Variants in PDS5B observed in about 807,000 individuals in gnomAD.
PDS5B encodes sister chromatid cohesion protein PDS5 homolog B.
PDS5B carries 51 observed loss-of-function variants against 184.1 expected under a neutral mutation model. The observed-to-expected ratio is 0.28, with a 90% CI of 0.22 to 0.35. The LOEUF (loss-of-function observed/expected upper bound fraction) is 0.35, where lower values mean the gene tolerates loss of function less well. Ranked by LOEUF, PDS5B falls within the 10% of genes least tolerant of loss-of-function variation. PDS5B has a pLI of 1.00. For synonymous variants in PDS5B, 566 were observed against 569.2 expected (o/e 0.99, Z 0.08); for missense variants, 1,180 against 1,723.3 (o/e 0.68, Z 5.58).
intron 19 of PDS5B, among the ~76,000 whole-genome samples, chr13:32,723,741 A>C (rs150309796): frequency 3.9e-5 from 6 of 152,342 alleles, no homozygotes; most frequent in African/African-American, 1.2e-4. Flanking sequence ...GATTTATGAG[A>C]AGATAGGTCT....
Position 32,665,791 on chromosome 13 carries a change from T to C in PDS5B, c.625-1973T>C, listed in dbSNP as rs576451978. Among the ~76,000 whole-genome samples the C allele has an allele frequency of 9.2e-5, 14 of 152,088 alleles. 1 individual carries two copies. In the Middle Eastern group the frequency reaches 0.014, roughly 148 times the overall value. On this transcript the variant is annotated intron_variant, in intron 6 of 34. Coordinates refer to ENST00000315596, the MANE Select transcript of PDS5B (RefSeq NM_015032.4). ...ATCAATGGATGAGTGTATAAAGAAA[T>C]TGTGGTATATGTATACAATGGAATA... is the stretch of plus-strand genomic sequence containing the variant.
intron 20 of PDS5B, among the ~76,000 whole-genome samples, chr13:32,732,539 GATT>G (rs1953161441): frequency 1.3e-5 from 2 of 152,030 alleles, no homozygotes; most frequent in African/African-American, 4.8e-5. Flanking sequence ...GGTAACAGAT[GATT>G]ATTCTTTCAT....
intron 30 of PDS5B, among the ~76,000 whole-genome samples, chr13:32,761,329 T>C (rs1954387910): frequency 1.3e-5 from 2 of 152,186 alleles, no homozygotes; most frequent in Admixed American, 1.3e-4. Flanking sequence ...TTTAAAAGTG[T>C]GTTTTTGCTT....
chr13:32,696,074 G>A (rs1951693946), intron 14 of PDS5B, among the ~76,000 whole-genome samples: 1 of 152,056 alleles, frequency 6.6e-6, no homozygotes, highest in African/African-American at 2.4e-5. Context: ...ATTCCAAATA[G>A]TTGGGAATTA....
chr13:32,749,114 C>G (rs141697090), intron 24 of PDS5B, among the ~76,000 whole-genome samples: 237 of 152,250 alleles, frequency 1.6e-3, no homozygotes, highest in African/African-American at 5.6e-3. Flanking sequence ...TATTTTAACC[C>G]AAATGTACGC....
At position 32,604,747 on chromosome 13, in the gene PDS5B, C is replaced by T. The variant is rs1327222143; in HGVS notation, c.-20+18154C>T. On this transcript the variant is annotated intron_variant, in intron 1 of 34. Transcript: ENST00000315596. ...AGGCTATTAATTATTGCCTCAATTT[C>T]AGAGCCTGTTATTGGTCTATTCAGG... 4.6e-5 allele frequency among the ~76,000 whole-genome samples: 7 copies of T among 152,184 alleles called. No individual in the cohort carries two copies. In the East Asian group the frequency reaches 1.2e-3, roughly 25 times the overall value.
At chr13:32,651,764 CA>C (rs751158860) in intron 2 of PDS5B, 39 bp from the exon 3 acceptor site, 1 of 1,245,408 alleles carries the variant, frequency 8.0e-7, no homozygotes, top group South Asian at 1.2e-5. Flanking sequence ...TGTAGTTTTA[CA>C]TGGAGCATTT....
chr13:32,645,536 A>G (rs977476722), intron 1 of PDS5B, among the ~76,000 whole-genome samples: 1 of 152,116 alleles, frequency 6.6e-6, no homozygotes, highest in Non-Finnish European at 1.5e-5. Flanking sequence ...TGGTAATAAG[A>G]TGTAGTTTCT....
At chr13:32,626,578 C>G (rs1246427565) in intron 1 of PDS5B, among the ~76,000 whole-genome samples, 1 of 151,834 alleles carries the variant, frequency 6.6e-6, no homozygotes, top group Non-Finnish European at 1.5e-5. Flanking sequence ...TGTCACCATC[C>G]TACTCATTTT....
intron 10 of PDS5B, among the ~76,000 whole-genome samples, chr13:32,679,838 T>A (rs562655454): frequency 6.6e-6 from 1 of 151,674 alleles, no homozygotes; most frequent in Admixed American, 6.6e-5. Context: ...TGCTCTCCCC[T>A]TCCATCCTCC....
rs769448706 is a variant in PDS5B at position 32,741,155 on chromosome 13, A to G, written c.2475+7A>G. 3 of 1,417,286 alleles carry G rather than the reference A, an allele frequency of 2.1e-6. No individual in the cohort carries two copies. Among genetic ancestry groups the G allele is most frequent in the Non-Finnish European group, 2.0e-6 (2 of 1,009,466 alleles). The allele number at this position is 1,417,286 out of a possible 1,614,324, so 87.8% of individuals were successfully genotyped here. ...TCCTGAGACAATGGTCAAAGTGAGT[A>G]ATGTGCATAGATCTATTGATTTTAA... On this transcript the variant is annotated splice_region_variant and intron_variant, in intron 22 of 34. Coordinates refer to ENST00000315596, the MANE Select transcript of PDS5B (RefSeq NM_015032.4).
At chr13:32,762,653 C>T (rs1009172236) in intron 30 of PDS5B, among the ~76,000 whole-genome samples, 1 of 152,098 alleles carries the variant, frequency 6.6e-6, no homozygotes, top group Non-Finnish European at 1.5e-5. Context: ...CAGAAAGCCT[C>T]GAAATTGTGT....
chr13:32,694,072 T>C (rs1566336855), intron 13 of PDS5B, 151 bp from the exon 14 acceptor site: 3 of 581,338 alleles, frequency 5.2e-6, no homozygotes, highest in Admixed American at 7.1e-5. Flanking sequence ...ATTCTTTCCC[T>C]CTACACATTA....
intron 30 of PDS5B, among the ~76,000 whole-genome samples, chr13:32,763,722 CTGTT>C (rs1190459776): frequency 6.6e-6 from 1 of 152,026 alleles, no homozygotes; most frequent in Non-Finnish European, 1.5e-5. Context: ...AGAACAGGCT[CTGTT>C]TGTATGTATG....
chr13:32,745,282 A>C (rs566679091), intron 23 of PDS5B, among the ~76,000 whole-genome samples: 1 of 152,362 alleles, frequency 6.6e-6, no homozygotes, highest in South Asian at 2.1e-4. Context: ...ATCTATATAT[A>C]AACATTTCTC....
intron 14 of PDS5B, among the ~76,000 whole-genome samples, chr13:32,696,519 T>C (rs1374865925): frequency 6.6e-6 from 1 of 151,738 alleles, no homozygotes; most frequent in East Asian, 1.9e-4. Flanking sequence ...GTCTAAACAT[T>C]GTAGGAGTTT....
At position 32,775,666 on chromosome 13, in the gene PDS5B, G is replaced by C; in HGVS notation, c.*614G>C. On this transcript the variant is annotated 3_prime_UTR_variant, in exon 35 of 35. Transcript: ENST00000315596. The stretch of plus-strand genomic sequence containing the variant: ...CACCAGAAGGATGCCTCTGATAGGA[G>C]GACAACCATGCAAATTGTGAAATAG... The C allele has an allele frequency of 2.2e-6, 1 of 456,186 alleles. No homozygotes were observed. Among genetic ancestry groups the C allele is most frequent in the Non-Finnish European group, 4.4e-6 (1 of 226,660 alleles). The allele number at this position is 456,186 out of a possible 1,614,324, so 28.3% of individuals were successfully genotyped here. A position where few individuals can be genotyped will look rare whatever the true frequency, so the allele number is the denominator to read the frequency against.
At chr13:32,643,024 T>C (rs550488692) in intron 1 of PDS5B, among the ~76,000 whole-genome samples, 19 of 152,296 alleles carry the variant, frequency 1.2e-4, no homozygotes, top group African/African-American at 4.3e-4. Flanking sequence ...TTTGGTTACA[T>C]GGATGAGTAT....
intron 1 of PDS5B, among the ~76,000 whole-genome samples, chr13:32,593,254 A>G (rs1021736765): frequency 6.6e-6 from 1 of 152,230 alleles, no homozygotes; most frequent in African/African-American, 2.4e-5. Context: ...ACCCTTGAAC[A>G]GCGAAGGGGT....
Sources: allele counts gnomAD v4.1 joint callset (sites outside exome capture counted in the v4.1 genomes callset), GRCh38; gene constraint gnomAD v4.1.1; transcripts MANE v1.5; gene names NCBI Gene and HGNC (gene_info 2026-07-23, HGNC 2026-07-21).